NXN: variants seen among roughly 807,000 people sequenced by gnomAD.
NXN encodes the protein nucleoredoxin.
A neutral mutation model predicts 48.6 loss-of-function variants in NXN; 16 were observed. The observed-to-expected ratio is 0.33, with a 90% confidence interval of 0.22 to 0.50. The LOEUF (loss-of-function observed/expected upper bound fraction) is 0.50, where lower values mean the gene tolerates loss of function less well. NXN is among the 20% of genes least tolerant of loss of function. NXN has a pLI of 0.98. For missense variants in NXN, 492 were observed against 605.5 expected, an observed-to-expected ratio of 0.81 and a Z score of 1.97; for synonymous variants, 281 against 269.6, an observed-to-expected ratio of 1.04 and a Z score of -0.41.
intron 1 of NXN, among the ~76,000 whole-genome samples, chr17:842,875 G>T (rs1914410266): frequency 6.6e-6 from 1 of 152,046 alleles, no homozygotes; most frequent in East Asian, 1.9e-4. Flanking sequence ...GGAGGCGGAG[G>T]TTGCGGTAAG....
At chr17:841,472 G>A (rs910775014) in intron 1 of NXN, among the ~76,000 whole-genome samples, 3 of 118,316 alleles carry the variant, frequency 2.5e-5, no homozygotes, top group South Asian at 2.8e-4. Flanking sequence ...TCTCACACGG[G>A]CGAGCAGGTC....
intron 1 of NXN, among the ~76,000 whole-genome samples, chr17:876,904 C>T (rs932634045): frequency 2.6e-5 from 4 of 151,762 alleles, no homozygotes; most frequent in Non-Finnish European, 4.4e-5. Flanking sequence ...AAAAATTAGC[C>T]GGGTATGGTG....
intron 1 of NXN, among the ~76,000 whole-genome samples, chr17:890,220 G>A (rs1243981914): frequency 6.6e-6 from 1 of 151,928 alleles, no homozygotes; most frequent in African/African-American, 2.4e-5. Context: ...TGCTGTTCTC[G>A]ATGATCCTTT....
chr17:806,134 C>CACAA, intron 5 of NXN, among the ~76,000 whole-genome samples: 1 of 148,102 alleles, frequency 6.8e-6, no homozygotes, highest in African/African-American at 2.6e-5. Flanking sequence ...TGCACCCCAG[C>CACAA]CCTCCCCGCT....
intron 1 of NXN, among the ~76,000 whole-genome samples, chr17:848,819 C>A (rs2067893212): frequency 6.6e-6 from 1 of 152,282 alleles, no homozygotes; most frequent in East Asian, 1.9e-4. Context: ...GACAGAGAGG[C>A]TGAAGTGTGG....
In NXN at chr17:809,965, CGTGT is replaced by C. The variant is rs1597614938; in HGVS notation, c.821-4722_821-4719del. 3.3e-4 allele frequency among the ~76,000 whole-genome samples: 33 copies of C among 99,450 alleles called. 1 individual carries two copies. Among genetic ancestry groups the C allele is most frequent in the Non-Finnish European group, 4.0e-4 (18 of 45,090 alleles). The allele number at this position is 99,450 out of a possible 152,430, so 65.2% of individuals were successfully genotyped here. A position where few individuals can be genotyped will look rare whatever the true frequency, so the allele number is the denominator to read the frequency against. ...GTACGTTACGAGTCTGTGTGAGTGG[CGTGT>C]ACGTTACGAGTCTGTGAGTGGCGTG... is the stretch of plus-strand genomic sequence containing the variant. On this transcript the variant is annotated intron_variant, in intron 5 of 7. Coordinates refer to ENST00000336868, the MANE Select transcript of NXN (RefSeq NM_022463.5).
chr17:971,570 C>T (rs1396039534), intron 1 of NXN, among the ~76,000 whole-genome samples: 4 of 151,536 alleles, frequency 2.6e-5, no homozygotes, highest in Admixed American at 2.6e-4. Context: ...ATTAGCCGGG[C>T]GTGAGGGCGG....
intron 1 of NXN, chr17:933,561 G>C (rs2068876223): frequency 6.6e-6 from 1 of 151,968 alleles, no homozygotes; most frequent in African/African-American, 2.4e-5. Flanking sequence ...TTCTGCACCA[G>C]GACTCTGCGT....
At chr17:911,938 C>CT (rs147131427) in intron 1 of NXN, among the ~76,000 whole-genome samples, 3,526 of 141,752 alleles carry the variant, frequency 0.025, 160 homozygotes, top group African/African-American at 0.085. Context: ...CATGCATATA[C>CT]TTTTTTTTTT....
At chr17:814,265 A>G (rs1912345098) in intron 5 of NXN, among the ~76,000 whole-genome samples, 1 of 151,908 alleles carries the variant, frequency 6.6e-6, no homozygotes, top group African/African-American at 2.4e-5. Flanking sequence ...TCTCAAAAAA[A>G]AGAAAAGAAA....
chr17:816,283 C>A (rs1157392857), intron 5 of NXN, among the ~76,000 whole-genome samples: 1 of 152,096 alleles, frequency 6.6e-6, no homozygotes, highest in Non-Finnish European at 1.5e-5. Context: ...GGACAAAGTA[C>A]AACCCATGTA....
rs1311347038 is a variant in NXN, at chr17:805,002, C to T, written c.1000+66G>A. On this transcript the variant is annotated intron_variant, in intron 6 of 7. Coordinates refer to ENST00000336868, the MANE Select transcript of NXN (RefSeq NM_022463.5). ...AGAAGCGGCAGGGACAGGCTCCTCC[C>T]AAGTGAGGCCCCTCCTGTCCCGCCC... The T allele has an allele frequency of 5.3e-6, 8 of 1,498,200 alleles. No homozygotes were observed. The Admixed American group carries it at 5.9e-5, about 11-fold the overall frequency. The allele number at this position is 1,498,200 out of a possible 1,614,324, so 92.8% of individuals were successfully genotyped here.
intron 1 of NXN, among the ~76,000 whole-genome samples, chr17:844,869 C>T (rs947148854): frequency 9.2e-5 from 14 of 152,094 alleles, no homozygotes; most frequent in African/African-American, 3.1e-4. Context: ...AGGCATGAGC[C>T]ACTGCACCCA....
At chr17:957,461 G>T (rs949858671) in intron 1 of NXN, among the ~76,000 whole-genome samples, 1 of 151,934 alleles carries the variant, frequency 6.6e-6, no homozygotes, top group Non-Finnish European at 1.5e-5. Flanking sequence ...GCGAAACACC[G>T]TCTCTACTAA....
intron 3 of NXN, among the ~76,000 whole-genome samples, chr17:822,952 T>A (rs1370391606): frequency 6.6e-6 from 1 of 151,390 alleles, no homozygotes; most frequent in Non-Finnish European, 1.5e-5. Flanking sequence ...ATACAAAAAT[T>A]AGCCGGGTTT....
intron 1 of NXN, among the ~76,000 whole-genome samples, chr17:840,470 G>A (rs1460335840): frequency 6.6e-6 from 1 of 152,108 alleles, no homozygotes; most frequent in Non-Finnish European, 1.5e-5. Flanking sequence ...CTCCCAGGTA[G>A]CTGGGACTAC....
At chr17:801,415 G>A (rs1911200019) in intron 7 of NXN, among the ~76,000 whole-genome samples, 1 of 147,710 alleles carries the variant, frequency 6.8e-6, no homozygotes, top group South Asian at 2.1e-4. Context: ...ATTTTAATAC[G>A]TCCTCAGCAT....
In NXN at chr17:920,680, C is replaced by T. The variant is rs1272921967; in HGVS notation, c.360+58639G>A. Among the ~76,000 whole-genome samples the T allele has an allele frequency of 6.6e-6, 1 of 151,954 alleles. No individual in the cohort carries two copies. Among genetic ancestry groups the T allele is most frequent in the Non-Finnish European group, 1.5e-5 (1 of 67,990 alleles). The stretch of plus-strand genomic sequence containing the variant: ...TCTTCATTCATACCGCCTTGCCAAT[C>T]GCCCTCAAAATCACCTGGAAGATTC... On this transcript the variant is annotated intron_variant, in intron 1 of 7. Coordinates refer to ENST00000336868, the MANE Select transcript of NXN (RefSeq NM_022463.5). The surrounding 1 kb of genome is among the most constrained non-coding windows in gnomAD (Gnocchi z 4.6).
intron 1 of NXN, among the ~76,000 whole-genome samples, chr17:839,080 G>A (rs563492736): frequency 6.6e-4 from 100 of 152,300 alleles, no homozygotes; most frequent in Admixed American, 2.5e-3. Flanking sequence ...ACACTGCTTC[G>A]TCCTGTTGCT....
Sources: allele counts gnomAD v4.1 joint callset (sites outside exome capture counted in the v4.1 genomes callset), GRCh38; gene constraint gnomAD v4.1.1; non-coding constraint Gnocchi (gnomAD v3.1); transcripts MANE v1.5; gene names NCBI Gene and HGNC (gene_info 2026-07-23, HGNC 2026-07-21).